The following STK32B variants were observed in gnomAD, a reference collection of about 807,000 sequenced individuals.
STK32B encodes the protein serine/threonine-protein kinase 32B.
A neutral mutation model predicts 52.6 loss-of-function variants in STK32B; 43 were observed. That is an observed-to-expected ratio of 0.82 (90% confidence interval 0.64 to 1.05). The LOEUF (loss-of-function observed/expected upper bound fraction) is 1.05, where lower values mean the gene tolerates loss of function less well. Ranked by LOEUF, STK32B falls within the 50% of genes least tolerant of loss-of-function variation. The pLI, the probability that STK32B is intolerant of heterozygous loss-of-function variation, is 0.00. For synonymous variants in STK32B, 238 were observed against 204.3 expected (o/e 1.17, Z -1.41); for missense variants, 621 against 534.6 (o/e 1.16, Z -1.59).
chr4:5,349,857 G>A (rs1733714981), intron 4 of STK32B, among the ~76,000 whole-genome samples: 1 of 152,090 alleles, frequency 6.6e-6, no homozygotes, highest in African/African-American at 2.4e-5. Context: ...TACATTCAGA[G>A]GCTTCAGTAA....
At chr4:5,120,455 T>C (rs1714967392) in intron 1 of STK32B, among the ~76,000 whole-genome samples, 1 of 152,234 alleles carries the variant, frequency 6.6e-6, no homozygotes, top group Non-Finnish European at 1.5e-5. Context: ...TGTTATAATT[T>C]TTCCATATTT....
At chr4:5,089,692 G>T (rs11938292) in intron 1 of STK32B, among the ~76,000 whole-genome samples, 1 of 152,136 alleles carries the variant, frequency 6.6e-6, no homozygotes, top group Non-Finnish European at 1.5e-5. Flanking sequence ...ATAGTACAAT[G>T]ATTTATATTC....
intron 3 of STK32B, among the ~76,000 whole-genome samples, chr4:5,242,651 C>G (rs1302583531): frequency 6.6e-6 from 1 of 152,224 alleles, no homozygotes; most frequent in East Asian, 1.9e-4. Flanking sequence ...ACGTCCTTGC[C>G]CATGCCTATG....
At chr4:5,370,065 G>A (rs1243912919) in intron 4 of STK32B, among the ~76,000 whole-genome samples, 2 of 151,904 alleles carry the variant, frequency 1.3e-5, no homozygotes, top group African/African-American at 2.4e-5. Flanking sequence ...TAGTAGAGAC[G>A]GGGTTTCACC....
rs765921355 is a variant in STK32B at position 5,058,602 on chromosome 4, C to T, written c.52+6687C>T. ...TTTGTTTTTGAGACAGGGTCTCTGG[C>T]GCCCAGCTGGAGTGCAGTGGTGTGA... On this transcript the variant is annotated intron_variant, in intron 1 of 11. Coordinates refer to ENST00000282908, the MANE Select transcript of STK32B (RefSeq NM_018401.3). The surrounding 1 kb of genome is among the most constrained non-coding windows in gnomAD (Gnocchi z 4.8). 3.4e-4 allele frequency among the ~76,000 whole-genome samples: 52 copies of T among 152,158 alleles called. No homozygotes were observed. The highest frequency in any genetic ancestry group is 9.6e-4 in the African/African-American group (40 of 41,526).
At chr4:5,379,958 A>T (rs113679629) in intron 4 of STK32B, among the ~76,000 whole-genome samples, 1 of 152,194 alleles carries the variant, frequency 6.6e-6, no homozygotes, top group Non-Finnish European at 1.5e-5. Flanking sequence ...AGCTGGGAAC[A>T]GTTCAGAGCA....
In STK32B at chr4:5,331,409, G is replaced by C. The variant is rs1318688834; in HGVS notation, c.434+16G>C. The C allele has an allele frequency of 2.5e-6, 4 of 1,599,536 alleles. No individual in the cohort carries two copies. The African/African-American group carries it at 4.0e-5, about 16-fold the overall frequency. On this transcript the variant is annotated intron_variant, in intron 4 of 11. Coordinates refer to ENST00000282908, the MANE Select transcript of STK32B (RefSeq NM_018401.3). ...TCATCCACAGGTAACTGGGCTGCTG[G>C]CGGGATGCCTGGGACAGAGGGACCA...
intron 11 of STK32B, among the ~76,000 whole-genome samples, chr4:5,492,539 C>T (rs1029901889): frequency 6.6e-6 from 1 of 151,646 alleles, no homozygotes; most frequent in Non-Finnish European, 1.5e-5. Context: ...AATTTGACTT[C>T]CTCTTTTCCT....
intron 3 of STK32B, among the ~76,000 whole-genome samples, chr4:5,269,314 T>C (rs936135280): frequency 1.3e-5 from 2 of 152,114 alleles, no homozygotes; most frequent in Non-Finnish European, 2.9e-5. Context: ...GTAGAGAACA[T>C]AGAAGGGTCT....
At chr4:5,156,447 A>G (rs186692195) in intron 2 of STK32B, among the ~76,000 whole-genome samples, 7 of 152,032 alleles carry the variant, frequency 4.6e-5, no homozygotes, top group African/African-American at 9.6e-5. Context: ...ACACTCCTCT[A>G]TTTCCACTCA....
intron 4 of STK32B, among the ~76,000 whole-genome samples, chr4:5,362,983 C>T (rs1204763468): frequency 6.6e-6 from 1 of 152,214 alleles, no homozygotes; most frequent in Non-Finnish European, 1.5e-5. Flanking sequence ...ATGACAGCTA[C>T]CATGACTTCA....
At chr4:5,376,517 C>A (rs74630014) in intron 4 of STK32B, among the ~76,000 whole-genome samples, 5,028 of 152,122 alleles carry the variant, frequency 0.033, 277 homozygotes, top group African/African-American at 0.11. Context: ...ACTGGCAAGA[C>A]CCAGGGACCA....
At chr4:5,491,366 T>G (rs1391391738) in intron 11 of STK32B, among the ~76,000 whole-genome samples, 2 of 152,246 alleles carry the variant, frequency 1.3e-5, no homozygotes, top group African/African-American at 2.4e-5. Flanking sequence ...TTTGGCTGCA[T>G]AAATGTCTTC....
chr4:5,024,902 C>T, the STK32B span, among the ~76,000 whole-genome samples: 14 of 152,330 alleles, frequency 9.2e-5, no homozygotes, highest in Admixed American at 4.6e-4. Flanking sequence ...CCAAGGGGAT[C>T]GGGGGAGCTG....
intron 3 of STK32B, among the ~76,000 whole-genome samples, chr4:5,268,636 TG>T (rs772711164): frequency 2.2e-4 from 34 of 151,830 alleles, no homozygotes; most frequent in Non-Finnish European, 8.8e-5. Flanking sequence ...TGCTTTATGC[TG>T]GTTGGCTGCC....
intron 4 of STK32B, among the ~76,000 whole-genome samples, chr4:5,332,152 T>C (rs1470252903): frequency 3.3e-5 from 5 of 152,120 alleles, no homozygotes; most frequent in Non-Finnish European, 7.3e-5. Flanking sequence ...AGATGACAGA[T>C]TAAGCATATA....
chr4:5,369,077 G>A (rs1735065280), intron 4 of STK32B, among the ~76,000 whole-genome samples: 1 of 152,044 alleles, frequency 6.6e-6, no homozygotes, highest in African/African-American at 2.4e-5. Context: ...CCTAGCCAAT[G>A]AGGTGTGAGC....
intron 3 of STK32B, among the ~76,000 whole-genome samples, chr4:5,239,660 G>T (rs773067625): frequency 2.6e-5 from 4 of 152,170 alleles, no homozygotes; most frequent in Non-Finnish European, 4.4e-5. Context: ...AAGTCCAGAG[G>T]CATGAGAGGG....
intron 5 of STK32B, among the ~76,000 whole-genome samples, chr4:5,410,887 C>T (rs114772852): frequency 8.1e-4 from 123 of 152,268 alleles, no homozygotes; most frequent in Middle Eastern, 3.4e-3. Context: ...TGGGCAGATT[C>T]AGTGTCTGGT....
Sources: gnomAD v4.1 joint callset for allele counts (sites outside exome capture counted in the v4.1 genomes callset) on GRCh38, gnomAD v4.1.1 for gene constraint, Gnocchi (gnomAD v3.1) non-coding constraint, MANE v1.5 for transcripts, NCBI Gene and HGNC (gene_info 2026-07-23, HGNC 2026-07-21) for gene names.